Variants in CDH4 observed in about 807,000 individuals in gnomAD.
CDH4 encodes cadherin 4.
In CDH4, 33 loss-of-function variants were observed where a neutral mutation model predicts 86.0. That is an observed-to-expected ratio of 0.38 (90% CI 0.29 to 0.51). CDH4 has a LOEUF of 0.51. CDH4 is among the 20% of genes least tolerant of loss of function. The pLI is 0.86. For synonymous variants in CDH4, 555 were observed against 549.4 expected (o/e 1.01, Z -0.14); for missense variants, 1,114 against 1,307.4 (o/e 0.85, Z 2.28).
rs2085232036 is a variant in CDH4 at position 61,429,367 on chromosome 20, A to G, written c.169+174430A>G. Among the ~76,000 whole-genome samples the G allele has an allele frequency of 2.0e-5, 3 of 152,342 alleles. No homozygotes were observed. In the South Asian group the frequency reaches 6.2e-4, roughly 32 times the overall value. On this transcript the variant is annotated intron_variant, in intron 2 of 15. Transcript: ENST00000614565. ...AGAGCCTACACATGCCCTGGCCATC[A>G]GGCTCTTTTTCCTAGCCTAGTGATT...
chr20:61,773,543 G>T (rs1045175474), intron 4 of CDH4, among the ~76,000 whole-genome samples: 3 of 152,156 alleles, frequency 2.0e-5, no homozygotes, highest in African/African-American at 4.8e-5. Context: ...CCGGATGATG[G>T]GGTGGTGCCA....
At chr20:61,647,780 A>T (rs550055971) in intron 2 of CDH4, among the ~76,000 whole-genome samples, 27 of 152,142 alleles carry the variant, frequency 1.8e-4, no homozygotes, top group Admixed American at 2.6e-4. Context: ...TGACCCATCT[A>T]TTGCCTCTGA....
chr20:61,820,039 C>T (rs1427547758), intron 4 of CDH4, among the ~76,000 whole-genome samples: 1 of 152,230 alleles, frequency 6.6e-6, no homozygotes, highest in Non-Finnish European at 1.5e-5. Context: ...ACTTCCTCCT[C>T]CCGCACTCTC....
chr20:61,768,736 C>T (rs1290783346), intron 3 of CDH4, among the ~76,000 whole-genome samples: 3 of 152,158 alleles, frequency 2.0e-5, no homozygotes, highest in Non-Finnish European at 4.4e-5. Context: ...GCGCATCTTC[C>T]AGGCAGAAGC....
intron 2 of CDH4, among the ~76,000 whole-genome samples, chr20:61,478,120 C>A (rs897888986): frequency 6.6e-6 from 1 of 152,122 alleles, no homozygotes; most frequent in Non-Finnish European, 1.5e-5. Flanking sequence ...AAATTGGGAA[C>A]TGTGAAAACG....
At chr20:61,514,284 G>A (rs2085801318) in intron 2 of CDH4, among the ~76,000 whole-genome samples, 1 of 151,652 alleles carries the variant, frequency 6.6e-6, no homozygotes, top group African/African-American at 2.4e-5. Context: ...AAAAATGGGG[G>A]TCAGGGTTCA....
At chr20:61,707,843 A>G (rs2087848609) in intron 2 of CDH4, among the ~76,000 whole-genome samples, 1 of 152,154 alleles carries the variant, frequency 6.6e-6, no homozygotes, top group Non-Finnish European at 1.5e-5. Context: ...TGCTAATCTG[A>G]CAGGAGGCGG....
intron 2 of CDH4, among the ~76,000 whole-genome samples, chr20:61,562,985 G>GCTC (rs2086232411): frequency 6.6e-6 from 1 of 152,216 alleles, no homozygotes; most frequent in Non-Finnish European, 1.5e-5. Context: ...GGGTCCAGGG[G>GCTC]CACCAGTGGC....
intron 2 of CDH4, among the ~76,000 whole-genome samples, chr20:61,610,500 C>T (rs1443877557): frequency 6.6e-6 from 1 of 152,158 alleles, no homozygotes; most frequent in Non-Finnish European, 1.5e-5. Flanking sequence ...GCTTTCCTTC[C>T]TTTAGGATGA....
intron 2 of CDH4, among the ~76,000 whole-genome samples, chr20:61,424,031 ACT>A (rs1259524635): frequency 6.6e-6 from 1 of 151,822 alleles, no homozygotes; most frequent in Admixed American, 6.6e-5. Flanking sequence ...GTATCCACAC[ACT>A]CTCATATCCA....
intron 2 of CDH4, among the ~76,000 whole-genome samples, chr20:61,669,253 G>A (rs2087360524): frequency 6.6e-6 from 1 of 152,246 alleles, no homozygotes; most frequent in South Asian, 2.1e-4. Context: ...AAGGGAGCCA[G>A]TCCCGTGGAG....
rs74660153 is a variant in CDH4 at position 61,677,804 on chromosome 20, G to A, written c.170-65759G>A. 3.2e-4 allele frequency among the ~76,000 whole-genome samples: 25 copies of A among 78,510 alleles called. No homozygotes were observed. The East Asian group carries it at 0.015, about 47-fold the overall frequency. 51.5% of individuals were successfully genotyped at this position (78,510 alleles called of 152,430 possible). A position where few individuals can be genotyped will look rare whatever the true frequency, so the allele number is the denominator to read the frequency against. On this transcript the variant is annotated intron_variant, in intron 2 of 15. Coordinates refer to ENST00000614565, the MANE Select transcript of CDH4 (RefSeq NM_001794.5). ...TGAATGGATAGATACATGGATGATG[G>A]ATGGAAGATAGATGGATAGTGGATG...
intron 3 of CDH4, among the ~76,000 whole-genome samples, chr20:61,764,544 T>C (rs1036077315): frequency 3.9e-5 from 6 of 152,000 alleles, no homozygotes; most frequent in Non-Finnish European, 7.4e-5. Context: ...CCTCGAGCCA[T>C]GGGTGGAGAG....
At chr20:61,816,800 A>G (rs1028151462) in intron 4 of CDH4, among the ~76,000 whole-genome samples, 1 of 152,160 alleles carries the variant, frequency 6.6e-6, no homozygotes, top group African/African-American at 2.4e-5. Flanking sequence ...AGCTGGGCCC[A>G]GGCCTGGGAC....
intron 2 of CDH4, among the ~76,000 whole-genome samples, chr20:61,545,653 T>C (rs2086072837): frequency 6.6e-6 from 1 of 152,188 alleles, no homozygotes; most frequent in Non-Finnish European, 1.5e-5. Context: ...GGCAGAGCCG[T>C]CAAGAGAACC....
At position 61,395,414 on chromosome 20, in the gene CDH4, G is replaced by T. The variant is rs559016526; in HGVS notation, c.169+140477G>T. Among the ~76,000 whole-genome samples, 7 of 152,116 alleles carry T rather than the reference G, an allele frequency of 4.6e-5. 1 individual carries two copies. In the South Asian group the frequency reaches 1.5e-3, roughly 32 times the overall value. On this transcript the variant is annotated intron_variant, in intron 2 of 15. Coordinates refer to ENST00000614565, the MANE Select transcript of CDH4 (RefSeq NM_001794.5). ...TGACATATATACATGCATATATATG[G>T]CATTAATACGTACATGGCATTATTA...
intron 13 of CDH4, among the ~76,000 whole-genome samples, chr20:61,932,731 ACATG>A (rs2055128357): frequency 6.6e-6 from 1 of 152,214 alleles, no homozygotes; most frequent in Non-Finnish European, 1.5e-5. Context: ...GCTTACACAG[ACATG>A]CATGAAGCAC....
intron 2 of CDH4, among the ~76,000 whole-genome samples, chr20:61,309,555 G>A (rs1172357840): frequency 3.3e-5 from 5 of 152,196 alleles, no homozygotes; most frequent in African/African-American, 1.2e-4. Flanking sequence ...ACAGTGATCT[G>A]GAAGCAAGGC....
At chr20:61,605,701 C>G (rs902044502) in intron 2 of CDH4, among the ~76,000 whole-genome samples, 2 of 152,106 alleles carry the variant, frequency 1.3e-5, no homozygotes, top group Non-Finnish European at 1.5e-5. Context: ...TCCTGCCTCT[C>G]CAACCCTGCT....
Sources: allele counts gnomAD v4.1 joint callset (sites outside exome capture counted in the v4.1 genomes callset), GRCh38; gene constraint gnomAD v4.1.1; transcripts MANE v1.5; gene names NCBI Gene and HGNC (gene_info 2026-07-23, HGNC 2026-07-21).